Variants in BNC2 observed in about 807,000 individuals in gnomAD.
BNC2 encodes zinc finger protein basonuclin-2.
In BNC2, 20 loss-of-function variants were observed where a neutral mutation model predicts 76.3. The observed-to-expected ratio is 0.26, with a 90% confidence interval of 0.18 to 0.38. The LOEUF (loss-of-function observed/expected upper bound fraction) is 0.38, where lower values mean the gene tolerates loss of function less well. Among genes scored for constraint, BNC2 ranks in the 10% least tolerant of loss-of-function variants. The pLI is 1.00. For missense variants in BNC2, 1,382 were observed against 1,399.8 expected (o/e 0.99, Z 0.20); for synonymous variants, 582 against 514.8 (o/e 1.13, Z -1.77).
In BNC2 at chr9:16,513,556, C is replaced by T. The variant is rs532198168; in HGVS notation, c.669+38974G>A. On this transcript the variant is annotated intron_variant, in intron 5 of 6. Coordinates refer to ENST00000380672, the MANE Select transcript of BNC2 (RefSeq NM_017637.6). ...TCCTGACCTCGTGATCCTCCCGCCT[C>T]GGCCTCCCAAGTGCTGGGATCACAG... Among the ~76,000 whole-genome samples the T allele has an allele frequency of 3.6e-3, 541 of 152,212 alleles. 4 individuals carry two copies. The highest frequency in any genetic ancestry group is 6.0e-3 in the Non-Finnish European group (411 of 67,988).
intron 5 of BNC2, among the ~76,000 whole-genome samples, chr9:16,480,821 C>A (rs989689756): frequency 5.4e-4 from 82 of 152,302 alleles, no homozygotes; most frequent in African/African-American, 1.9e-3. Context: ...GCGGCCTGAG[C>A]CTCCCCGACA....
chr9:16,776,895 G>A (rs376100451), intron 1 of BNC2, among the ~76,000 whole-genome samples: 1 of 152,158 alleles, frequency 6.6e-6, no homozygotes, highest in African/African-American at 2.4e-5. Context: ...GGAGTCCAAG[G>A]TGGGCGGATC....
chr9:16,845,010 T>C (rs987498156), intron 1 of BNC2, among the ~76,000 whole-genome samples: 5 of 152,102 alleles, frequency 3.3e-5, no homozygotes, highest in African/African-American at 9.7e-5. Context: ...GTGTAGGTAG[T>C]AGCATCACCA....
chr9:16,732,274 T>C (rs1824534192), intron 2 of BNC2, among the ~76,000 whole-genome samples: 1 of 152,076 alleles, frequency 6.6e-6, no homozygotes, highest in Admixed American at 6.5e-5. Context: ...TGTATGTTTG[T>C]AGGGTGTTTT....
chr9:16,730,858 A>T (rs1824484987), intron 2 of BNC2, among the ~76,000 whole-genome samples: 1 of 152,248 alleles, frequency 6.6e-6, no homozygotes, highest in Non-Finnish European at 1.5e-5. Flanking sequence ...CTACTTTGTA[A>T]CACAAATTTA....
At chr9:16,803,733 A>T (rs1817837713) in intron 1 of BNC2, among the ~76,000 whole-genome samples, 1 of 152,208 alleles carries the variant, frequency 6.6e-6, no homozygotes, top group African/African-American at 2.4e-5. Context: ...CATTTGCAAT[A>T]TTCCCTACGT....
rs1370671153 is a variant in BNC2 at position 16,598,723 on chromosome 9, G to A, written c.331-15638C>T. Among the ~76,000 whole-genome samples the A allele has an allele frequency of 2.0e-5, 3 of 152,120 alleles. No individual in the cohort carries two copies. In the East Asian group the frequency reaches 5.8e-4, roughly 29 times the overall value. On this transcript the variant is annotated intron_variant, in intron 3 of 6. Transcript: ENST00000380672. ...ACCATTCTCATCTCTACCACCAAAGGCTACTTTTACCATACTGTACCTGAA... is the reference window on the plus strand; with the variant it reads ...ACCATTCTCATCTCTACCACCAAAGACTACTTTTACCATACTGTACCTGAA...
At chr9:16,721,043 T>C (rs895285820) in intron 3 of BNC2, among the ~76,000 whole-genome samples, 4 of 152,204 alleles carry the variant, frequency 2.6e-5, no homozygotes, top group Non-Finnish European at 5.9e-5. Context: ...TTCGTTAAAC[T>C]TTCTTTAAAC....
chr9:16,645,688 T>A (rs1408599880), intron 3 of BNC2, among the ~76,000 whole-genome samples: 22 of 152,198 alleles, frequency 1.4e-4, no homozygotes, highest in Admixed American at 1.4e-3. Flanking sequence ...GTGGGAATAA[T>A]AACAGTATTA....
intron 4 of BNC2, among the ~76,000 whole-genome samples, chr9:16,577,174 T>C (rs1446043102): frequency 4.6e-5 from 7 of 152,202 alleles, no homozygotes; most frequent in African/African-American, 1.7e-4. Flanking sequence ...CTCACCTAAA[T>C]TTGCATGGTA....
intron 3 of BNC2, among the ~76,000 whole-genome samples, chr9:16,678,920 A>G (rs1462824859): frequency 2.0e-5 from 3 of 152,122 alleles, no homozygotes; most frequent in Admixed American, 6.5e-5. Context: ...AGCCTTATAA[A>G]TATGTTCCCT....
chr9:16,677,606 C>CACACACACACACACACAG (rs1455196025), intron 3 of BNC2, among the ~76,000 whole-genome samples: 1,578 of 151,208 alleles, frequency 0.01, 44 homozygotes, highest in African/African-American at 0.036. Flanking sequence ...CACACACACA[C>CACACACACACACACACAG]AGTAGCAATA....
intron 6 of BNC2, among the ~76,000 whole-genome samples, chr9:16,430,864 A>C (rs1432414791): frequency 6.6e-6 from 1 of 152,244 alleles, no homozygotes; most frequent in Non-Finnish European, 1.5e-5. Context: ...TAGCAATCGA[A>C]TGGAAGGTTC....
chr9:16,437,223 G>T lies in BNC2; in HGVS notation c.971C>A (p.Pro324Gln). The T allele has an allele frequency of 1.2e-6, 2 of 1,614,154 alleles. No homozygotes were observed. Among genetic ancestry groups the T allele is most frequent in the Non-Finnish European group, 1.7e-6 (2 of 1,180,022 alleles). ...TGAGACAGGGTTTATGTACTGGAATGGAAGCAGAAATGCAAGGCTGTTTGG... is the reference window on the plus strand; with the variant it reads ...TGAGACAGGGTTTATGTACTGGAATTGAAGCAGAAATGCAAGGCTGTTTGG... Reference protein sequence around the residue: ...NIPNSLAFLLPFQYINPVSAP... With the variant: ...NIPNSLAFLLQFQYINPVSAP... Residue 324 changes from proline to glutamine, a missense_variant, in exon 6 of 7, where the codon CCA (proline) becomes CAA (glutamine). Pro to Gln is a moderately conservative substitution (Grantham distance 76, BLOSUM62 -1). This residue lies in a region of BNC2 where 557 missense variants were observed against 540.9 expected (regional missense o/e 1.03). Transcript: ENST00000380672.
chr9:16,461,669 C>T (rs150410076), intron 5 of BNC2, among the ~76,000 whole-genome samples: 1 of 152,022 alleles, frequency 6.6e-6, no homozygotes, highest in Non-Finnish European at 1.5e-5. Context: ...GGCACAGAGC[C>T]CTGCAACACG....
intron 4 of BNC2, among the ~76,000 whole-genome samples, chr9:16,578,755 T>C (rs1367196941): frequency 1.3e-5 from 2 of 152,174 alleles, no homozygotes; most frequent in South Asian, 2.1e-4. Flanking sequence ...TAAAAAACTT[T>C]TGTTGTTATT....
chr9:16,684,950 G>C (rs1822932158), intron 3 of BNC2, among the ~76,000 whole-genome samples: 1 of 151,178 alleles, frequency 6.6e-6, no homozygotes, highest in Non-Finnish European at 1.5e-5. Context: ...TACACCACAA[G>C]ACATATCTTC....
chr9:16,854,383 G>A (rs966099453), intron 1 of BNC2, among the ~76,000 whole-genome samples: 3 of 152,144 alleles, frequency 2.0e-5, no homozygotes, highest in African/African-American at 7.2e-5. Flanking sequence ...AAGAGACACA[G>A]AAAACAGATA....
At chr9:16,575,729 G>T (rs920755739) in intron 4 of BNC2, among the ~76,000 whole-genome samples, 8 of 152,114 alleles carry the variant, frequency 5.3e-5, no homozygotes, top group African/African-American at 1.9e-4. Flanking sequence ...CCTGTGCCAG[G>T]CAGGAAAATG....
Sources: gnomAD v4.1 joint callset for allele counts (sites outside exome capture counted in the v4.1 genomes callset) on GRCh38, gnomAD v4.1.1 for gene constraint, gnomAD v4.1.1 regional missense constraint, MANE v1.5 for transcripts, NCBI Gene and HGNC (gene_info 2026-07-23, HGNC 2026-07-21) for gene names.